The following CCDC158 variants were observed in gnomAD, a reference collection of about 807,000 sequenced individuals.
CCDC158 encodes coiled-coil domain-containing protein 158.
In CCDC158, 116 loss-of-function variants were observed where a neutral mutation model predicts 138.6. The observed-to-expected ratio is 0.84, with a 90% confidence interval of 0.72 to 0.98. CCDC158 has a LOEUF of 0.98. Among genes scored for constraint, CCDC158 ranks in the 50% least tolerant of loss-of-function variants. The pLI is 0.00. For synonymous variants in CCDC158, 436 were observed against 442.4 expected (o/e 0.99, Z 0.18); for missense variants, 1,265 against 1,306.1 (o/e 0.97, Z 0.48).
chr4:76,346,914 C>T (rs576263314), intron 18 of CCDC158, among the ~76,000 whole-genome samples: 2 of 151,964 alleles, frequency 1.3e-5, no homozygotes, highest in East Asian at 3.9e-4. Flanking sequence ...ATGAGGCCAA[C>T]CAACATGAAA....
At chr4:76,351,513 C>T (rs1488641502) in intron 17 of CCDC158, among the ~76,000 whole-genome samples, 1 of 152,060 alleles carries the variant, frequency 6.6e-6, no homozygotes, top group African/African-American at 2.4e-5. Flanking sequence ...CTATTTTAAA[C>T]TAAGGATAGT....
rs189500339 is a variant in CCDC158, at chr4:76,383,015, C to T, written c.804-295G>A. Among the ~76,000 whole-genome samples, 161 of 152,146 alleles carry T rather than the reference C, an allele frequency of 1.1e-3. 4 individuals are homozygous for T. Among genetic ancestry groups the T allele is most frequent in the Middle Eastern group, 3.4e-3 (1 of 294 alleles). On this transcript the variant is annotated intron_variant, in intron 7 of 24. Transcript: ENST00000682701. Reference sequence around the variant, plus strand: ...GAGATCTAGGGAAGTGTCCCATTAACGAAACATATCATGAATGCAATAATT... The same window carrying T: ...GAGATCTAGGGAAGTGTCCCATTAATGAAACATATCATGAATGCAATAATT...
intron 20 of CCDC158, 87 bp from the exon 21 acceptor site, chr4:76,331,490 A>G: frequency 2.8e-6 from 3 of 1,069,398 alleles, no homozygotes; most frequent in Non-Finnish European, 4.4e-6. Context: ...AAAATAATGT[A>G]TTCTTATGTA....
At chr4:76,336,936 T>C (rs923635632) in intron 18 of CCDC158, among the ~76,000 whole-genome samples, 3 of 152,186 alleles carry the variant, frequency 2.0e-5, no homozygotes, top group African/African-American at 7.2e-5. Flanking sequence ...TCCTCTTCTG[T>C]GTCCTATACC....
chr4:76,344,360 C>T (rs1343256685), intron 18 of CCDC158, among the ~76,000 whole-genome samples: 1 of 152,174 alleles, frequency 6.6e-6, no homozygotes, highest in Non-Finnish European at 1.5e-5. Flanking sequence ...AGGGAGGACA[C>T]GAACATGTAA....
At chr4:76,349,166 CTA>C (rs1161280246) in intron 18 of CCDC158, among the ~76,000 whole-genome samples, 1 of 152,118 alleles carries the variant, frequency 6.6e-6, no homozygotes, top group Non-Finnish European at 1.5e-5. Flanking sequence ...ATTCATTCAT[CTA>C]TGAGATAAAT....
At chr4:76,414,039 G>A (rs977730276) in intron 1 of CCDC158, among the ~76,000 whole-genome samples, 1 of 152,046 alleles carries the variant, frequency 6.6e-6, no homozygotes, top group East Asian at 1.9e-4. Flanking sequence ...CCCCCAAGTA[G>A]CTGGGACTAC....
chr4:76,314,647 C>A (rs756192604), intron 24 of CCDC158, among the ~76,000 whole-genome samples: 3 of 152,174 alleles, frequency 2.0e-5, no homozygotes, highest in Non-Finnish European at 4.4e-5. Flanking sequence ...AAGGATTTAA[C>A]CTTACCTAGA....
In CCDC158 at chr4:76,367,555, G is replaced by A; in HGVS notation, c.1569C>T (p.Arg523=). 2 of 1,614,218 alleles carry A rather than the reference G, an allele frequency of 1.2e-6. No individual in the cohort carries two copies. The highest frequency in any genetic ancestry group is 1.7e-6 in the Non-Finnish European group (2 of 1,180,038). Residue 523 remains arginine, a synonymous_variant, in exon 12 of 25, where the codon CGC becomes CGT. Transcript: ENST00000682701. The part of the protein sequence containing the change: ...EATNAEITKL[R]SRVDLKLQEL... ...CCTGCAATTTCAAGTCCACCCGGGAGCGGAGCTTTGTGATCTCTGCATTGG... is the reference window on the plus strand; with the variant it reads ...CCTGCAATTTCAAGTCCACCCGGGAACGGAGCTTTGTGATCTCTGCATTGG...
At chr4:76,383,493 G>A (rs567177358) in intron 7 of CCDC158, among the ~76,000 whole-genome samples, 169 bp downstream of exon 7, 1 of 152,102 alleles carries the variant, frequency 6.6e-6, no homozygotes, top group South Asian at 2.1e-4. Context: ...TCTTCCTTAC[G>A]ATTTTATAAC....
At chr4:76,319,465 A>AAATTAT (rs1560777163) in intron 24 of CCDC158, among the ~76,000 whole-genome samples, 1 of 22,238 alleles carries the variant, frequency 4.5e-5, no homozygotes, top group Non-Finnish European at 7.6e-5. Flanking sequence ...AAAAAAAAAA[A>AAATTAT]ATATATATAT....
chr4:76,334,822 T>C (rs1220070973), intron 18 of CCDC158, among the ~76,000 whole-genome samples: 1 of 152,210 alleles, frequency 6.6e-6, no homozygotes, highest in African/African-American at 2.4e-5. Context: ...CTATTCTAGC[T>C]GAAGGAGTCC....
chr4:76,391,039 C>A (rs1270015235), intron 4 of CCDC158, among the ~76,000 whole-genome samples: 1 of 151,992 alleles, frequency 6.6e-6, no homozygotes, highest in Non-Finnish European at 1.5e-5. Flanking sequence ...TAGCTAGAGA[C>A]ATCAACACCC....
intron 4 of CCDC158, among the ~76,000 whole-genome samples, chr4:76,389,799 T>C (rs951999949): frequency 5.9e-5 from 9 of 151,998 alleles, no homozygotes; most frequent in African/African-American, 2.2e-4. Context: ...CAGGAGAGAG[T>C]GGCATGACAT....
At chr4:76,389,164 A>G (rs896662488) in intron 4 of CCDC158, among the ~76,000 whole-genome samples, 2 of 152,188 alleles carry the variant, frequency 1.3e-5, no homozygotes, top group Non-Finnish European at 2.9e-5. Context: ...GACTTTTCAG[A>G]CAGATAATTC....
chr4:76,410,295 C>T (rs921640024), intron 2 of CCDC158, among the ~76,000 whole-genome samples: 4 of 152,174 alleles, frequency 2.6e-5, no homozygotes, highest in African/African-American at 9.7e-5. Flanking sequence ...AGCAATCCTC[C>T]CACCTCAGCC....
rs116671858 is a variant in CCDC158, at chr4:76,342,489, C to T, written c.2665-8322G>A. On this transcript the variant is annotated intron_variant, in intron 18 of 24. Transcript: ENST00000682701. ...GAACTAATCTCCAAAGTACTTTGCA[C>T]TGTGCCTGGCAAAGGAGTTTTCAGT... Among the ~76,000 whole-genome samples the T allele has an allele frequency of 6.0e-3, 916 of 152,300 alleles. 8 individuals are homozygous for T. Among genetic ancestry groups the T allele is most frequent in the African/African-American group, 0.021 (865 of 41,550 alleles).
chr4:76,385,007 C>G (rs1295781476), intron 4 of CCDC158, among the ~76,000 whole-genome samples: 2 of 152,186 alleles, frequency 1.3e-5, no homozygotes, highest in African/African-American at 4.8e-5. Flanking sequence ...AAGTCAATCC[C>G]TACCTCCTAC....
Position 76,358,988 on chromosome 4 carries a change from C to T in CCDC158, c.2021-1462G>A, listed in dbSNP as rs943101384. Among the ~76,000 whole-genome samples, 5 of 152,212 alleles carry T rather than the reference C, an allele frequency of 3.3e-5. No homozygotes were observed. The South Asian group carries it at 8.3e-4, about 25-fold the overall frequency. On this transcript the variant is annotated intron_variant, in intron 13 of 24. Transcript: ENST00000682701. ...ATTCTTAGTGTTGGAGGAGGGGCTT[C>T]GTGGGAGGTGATTGGATCATGGGGA...
Sources: allele counts gnomAD v4.1 joint callset (sites outside exome capture counted in the v4.1 genomes callset), GRCh38; gene constraint gnomAD v4.1.1; transcripts MANE v1.5; gene names NCBI Gene and HGNC (gene_info 2026-07-23, HGNC 2026-07-21).